CFAP36: variants seen among roughly 807,000 people sequenced by gnomAD.
The protein encoded by CFAP36 is cilia- and flagella-associated protein 36.
Under a neutral mutation model 50.5 loss-of-function variants are expected in CFAP36, and 37 were observed. The observed-to-expected ratio is 0.73, with a 90% CI of 0.56 to 0.96. The LOEUF (loss-of-function observed/expected upper bound fraction) is 0.96. Among genes scored for constraint, CFAP36 ranks in the 50% least tolerant of loss-of-function variants. The probability of loss-of-function intolerance (pLI) is 0.00; values close to 1 mark genes in which losing one functional copy is unlikely to be tolerated. For missense variants in CFAP36, 407 were observed against 396.2 expected, an observed-to-expected ratio of 1.03 and a Z score of -0.23; for synonymous variants, 138 against 128.2, an observed-to-expected ratio of 1.08 and a Z score of -0.52.
chr2:55,519,842 A>C lies in CFAP36; in HGVS notation c.41A>C (p.Glu14Ala), dbSNP rs756242029. 2.5e-6 allele frequency: 4 copies of C among 1,614,212 alleles called. No homozygotes were observed. The South Asian group carries it at 4.4e-5, about 18-fold the overall frequency. ...GAAGACGAGGTGGAGTGGGTAGTGGAGAGCATCGCGGGGTTCCTGCGAGGC... is the reference window on the plus strand; with the variant it reads ...GAAGACGAGGTGGAGTGGGTAGTGGCGAGCATCGCGGGGTTCCTGCGAGGC... Reference protein sequence around the residue: ...EEEDEVEWVVESIAGFLRGPD... With the variant: ...EEEDEVEWVVASIAGFLRGPD... Residue 14 changes from glutamate (E) to alanine (A), a missense_variant, in exon 1 of 10, where the codon GAG becomes GCG. By Grantham distance (107) the Glu-to-Ala change is moderately radical. Coordinates refer to ENST00000349456, the MANE Select transcript of CFAP36 (RefSeq NM_080667.7).
intron 4 of CFAP36, 110 bp from the exon 5 acceptor site, chr2:55,533,763 G>T: frequency 2.2e-6 from 1 of 460,610 alleles, no homozygotes; most frequent in Non-Finnish European, 4.0e-6. Flanking sequence ...AGCTTAGGAT[G>T]TTACAGTGAT....
chr2:55,535,854 G>T (rs1314543252), intron 6 of CFAP36, 91 bp downstream of exon 6: 7 of 1,447,944 alleles, frequency 4.8e-6, no homozygotes, highest in Non-Finnish European at 6.4e-6. Context: ...TTATACTTAT[G>T]TGGAACTACA....
intron 1 of CFAP36, among the ~76,000 whole-genome samples, chr2:55,521,469 A>G (rs1408303583): frequency 2.0e-5 from 3 of 152,274 alleles, no homozygotes; most frequent in Non-Finnish European, 4.4e-5. Context: ...ATATTACATT[A>G]AAAGTTATGA....
intron 5 of CFAP36, among the ~76,000 whole-genome samples, chr2:55,535,268 G>C (rs971216448): frequency 8.5e-5 from 13 of 152,218 alleles, no homozygotes; most frequent in African/African-American, 9.6e-5. Flanking sequence ...CTTTGGCACA[G>C]TGGTATCACA....
rs779278243 is a variant in CFAP36 at position 55,519,854 on chromosome 2, G to C, written c.53G>C (p.Gly18Ala). 1 of 1,614,120 alleles carries C rather than the reference G, an allele frequency of 6.2e-7. No individual in the cohort carries two copies. The highest frequency in any genetic ancestry group is 1.3e-5 in the African/African-American group (1 of 74,934). The stretch of plus-strand genomic sequence containing the variant: ...GAGTGGGTAGTGGAGAGCATCGCGG[G>C]GTTCCTGCGAGGCCCAGACTGGTCC... ...EVEWVVESIA[G>A]FLRGPDWSIP... is the part of the protein sequence containing the mutation. The change falls in exon 1 of 10, where the codon GGG becomes GCG. Residue 18 changes from glycine to alanine, a missense_variant. Gly to Ala is a moderately conservative substitution (Grantham distance 60). Transcript: ENST00000349456.
At chr2:55,539,506 G>C (rs1684578794) in intron 7 of CFAP36, 1 of 149,500 alleles carries the variant, frequency 6.7e-6, no homozygotes, top group Non-Finnish European at 1.5e-5. Flanking sequence ...GCCACGGTTT[G>C]TTTATTCATT....
intron 4 of CFAP36, chr2:55,530,981 T>C (rs1324413802): frequency 6.6e-6 from 1 of 152,184 alleles, no homozygotes; most frequent in East Asian, 1.9e-4. Flanking sequence ...CTGGGGAGTT[T>C]CCTCCTCATT....
At chr2:55,521,915 C>CTCTA (rs1307035996) in intron 1 of CFAP36, among the ~76,000 whole-genome samples, 187 bp from the exon 2 acceptor site, 2 of 152,090 alleles carry the variant, frequency 1.3e-5, no homozygotes, top group Non-Finnish European at 2.9e-5. Flanking sequence ...CAGGCATGAG[C>CTCTA]CACAGTGCTC....
At chr2:55,528,012 A>G (rs979015729) in intron 3 of CFAP36, among the ~76,000 whole-genome samples, 2 of 151,756 alleles carry the variant, frequency 1.3e-5, no homozygotes, top group Non-Finnish European at 1.5e-5. Flanking sequence ...TCTATAAAAT[A>G]CAAAAAAATT....
chr2:55,519,944 C>A, intron 1 of CFAP36, 28 bp downstream of exon 1: 1 of 1,600,894 alleles, frequency 6.2e-7, no homozygotes, highest in East Asian at 2.2e-5. Context: ...AACCGACAAT[C>A]CTTTTCTCCT....
chr2:55,528,307 T>C (rs989362214), intron 3 of CFAP36, among the ~76,000 whole-genome samples: 2 of 152,052 alleles, frequency 1.3e-5, no homozygotes, highest in African/African-American at 4.8e-5. Flanking sequence ...CTACTTTATC[T>C]GAAACTAAAT....
At chr2:55,523,641 TCTAAA>T (rs1419774367) in intron 2 of CFAP36, 75 bp from the exon 3 acceptor site, 4 of 866,706 alleles carry the variant, frequency 4.6e-6, no homozygotes, top group Admixed American at 5.4e-5. Context: ...ATGATACTTT[TCTAAA>T]CTAAATACTT....
chr2:55,536,097 CCTT>C (rs1020748429), intron 6 of CFAP36, among the ~76,000 whole-genome samples: 4 of 151,512 alleles, frequency 2.6e-5, no homozygotes, highest in East Asian at 1.9e-4. Flanking sequence ...ACTTTTTTCT[CCTT>C]CTTTATTTTT....
chr2:55,533,857 C>T lies in CFAP36; in HGVS notation c.398-16C>T. The T allele has an allele frequency of 6.5e-7, 1 of 1,544,480 alleles. No individual in the cohort carries two copies. The highest frequency in any genetic ancestry group is 8.9e-7 in the Non-Finnish European group (1 of 1,129,212). ...TGGAGTTGATACTATTTCATGTGGT[C>T]TTTGGTTTTGAACAGGTGTATTACC... On this transcript the variant is annotated splice_polypyrimidine_tract_variant and intron_variant, in intron 4 of 9. Transcript: ENST00000349456.
rs527529167 is a variant in CFAP36 at position 55,526,314 on chromosome 2, T to G, written c.282+2492T>G. Among the ~76,000 whole-genome samples, 3 of 152,330 alleles carry G rather than the reference T, an allele frequency of 2.0e-5. No individual in the cohort carries two copies. In the South Asian group the frequency reaches 6.2e-4, roughly 32 times the overall value. ...TAGTTCTCAATAAATGTTTATTAAT[T>G]TAAATTGTCTTGTTATGATGGCCTA... On this transcript the variant is annotated intron_variant, in intron 3 of 9. Transcript: ENST00000349456.
intron 7 of CFAP36, among the ~76,000 whole-genome samples, chr2:55,542,254 T>C (rs374577411): frequency 1.9e-4 from 29 of 152,332 alleles, no homozygotes; most frequent in African/African-American, 6.5e-4. Context: ...CCACATATAA[T>C]TCAGTTGTAC....
At chr2:55,531,499 A>G (rs1684348548) in intron 4 of CFAP36, among the ~76,000 whole-genome samples, 1 of 152,194 alleles carries the variant, frequency 6.6e-6, no homozygotes, top group African/African-American at 2.4e-5. Flanking sequence ...GAAGGGAGAG[A>G]AGGAAGACAG....
intron 1 of CFAP36, 82 bp from the exon 2 acceptor site, chr2:55,522,020 A>T: frequency 2.9e-6 from 2 of 693,482 alleles, no homozygotes; most frequent in South Asian, 3.5e-5. Context: ...TGACAGTTCT[A>T]TTTGGAAGGA....
At chr2:55,523,236 C>T (rs936616352) in intron 2 of CFAP36, among the ~76,000 whole-genome samples, 2 of 143,410 alleles carry the variant, frequency 1.4e-5, no homozygotes, top group African/African-American at 2.6e-5. Flanking sequence ...CATGGTGCAA[C>T]GCCATCTCTA....
Sources: allele counts gnomAD v4.1 joint callset (sites outside exome capture counted in the v4.1 genomes callset), GRCh38; gene constraint gnomAD v4.1.1; transcripts MANE v1.5; gene names NCBI Gene and HGNC (gene_info 2026-07-23, HGNC 2026-07-21).